Variants in DPP10 observed in about 807,000 individuals in gnomAD.
The protein encoded by DPP10 is dipeptidyl peptidase like 10, also known as inactive dipeptidyl peptidase 10.
Under a neutral mutation model 120.9 loss-of-function variants are expected in DPP10, and 33 were observed. That is an observed-to-expected ratio of 0.27 (90% CI 0.21 to 0.37). The LOEUF (loss-of-function observed/expected upper bound fraction) is 0.37. Among genes scored for constraint, DPP10 ranks in the 10% least tolerant of loss-of-function variants. The pLI is 1.00. For missense variants in DPP10, 816 were observed against 942.8 expected, an observed-to-expected ratio of 0.87 and a Z score of 1.76; for synonymous variants, 337 against 326.1, an observed-to-expected ratio of 1.03 and a Z score of -0.36.
intron 1 of DPP10, among the ~76,000 whole-genome samples, chr2:114,487,527 T>G (rs1303271118): frequency 6.6e-6 from 1 of 152,198 alleles, no homozygotes; most frequent in African/African-American, 2.4e-5. Flanking sequence ...GCAAATTAAT[T>G]TTCTGATTAT....
chr2:114,745,039 C>A (rs575993691), intron 1 of DPP10, among the ~76,000 whole-genome samples: 25 of 151,980 alleles, frequency 1.6e-4, no homozygotes, highest in Non-Finnish European at 3.1e-4. Flanking sequence ...GGATGACAGG[C>A]GTGAGCCACC....
At chr2:114,776,762 AGTT>A (rs1174181306) in intron 1 of DPP10, among the ~76,000 whole-genome samples, 8 of 152,168 alleles carry the variant, frequency 5.3e-5, no homozygotes, top group Non-Finnish European at 1.0e-4. Context: ...AATTAAATAA[AGTT>A]AGTGCAGATT....
At chr2:115,220,926 T>A (rs886392315) in intron 1 of DPP10, among the ~76,000 whole-genome samples, 1 of 135,694 alleles carries the variant, frequency 7.4e-6, no homozygotes, top group Admixed American at 8.1e-5. Flanking sequence ...TATATTCATA[T>A]ATAATATTTA....
intron 19 of DPP10, among the ~76,000 whole-genome samples, chr2:115,806,082 A>C (rs1331636195): frequency 2.0e-5 from 3 of 152,196 alleles, no homozygotes; most frequent in Non-Finnish European, 2.9e-5. Flanking sequence ...AAAAAATTCT[A>C]GGGATAAAGG....
chr2:114,638,333 G>A (rs1695452865), intron 1 of DPP10, among the ~76,000 whole-genome samples: 1 of 151,668 alleles, frequency 6.6e-6, no homozygotes, highest in Non-Finnish European at 1.5e-5. Flanking sequence ...AAAAGAAACT[G>A]TCAACAGAGT....
intron 7 of DPP10, among the ~76,000 whole-genome samples, chr2:115,727,419 T>C (rs6742927): frequency 6.6e-6 from 1 of 152,258 alleles, no homozygotes; most frequent in South Asian, 2.1e-4. Flanking sequence ...AGACCCCAAA[T>C]TGAAGCTCTT....
chr2:115,069,458 A>G (rs1473684939), intron 1 of DPP10, among the ~76,000 whole-genome samples: 1 of 152,016 alleles, frequency 6.6e-6, no homozygotes, highest in Non-Finnish European at 1.5e-5. Flanking sequence ...AAGTTTTTCC[A>G]TATATACAGT....
intron 1 of DPP10, among the ~76,000 whole-genome samples, chr2:115,286,553 G>C (rs1458915178): frequency 1.3e-5 from 1 of 75,374 alleles, no homozygotes; most frequent in African/African-American, 4.4e-5. Context: ...AATATATACA[G>C]AAGGCTGAGA....
chr2:114,595,284 AG>A (rs1199559772), intron 1 of DPP10, among the ~76,000 whole-genome samples: 1 of 152,082 alleles, frequency 6.6e-6, no homozygotes, highest in South Asian at 2.1e-4. Context: ...AACAAAAAAA[AG>A]ATGCATAAGG....
At chr2:115,135,776 A>T (rs925842788) in intron 1 of DPP10, among the ~76,000 whole-genome samples, 1 of 152,136 alleles carries the variant, frequency 6.6e-6, no homozygotes, top group Admixed American at 6.6e-5. Flanking sequence ...TCAATCTTAC[A>T]TGTTTTACAC....
chr2:115,112,442 G>A lies in DPP10; in HGVS notation c.61-196797G>A, dbSNP rs1020512012. Among the ~76,000 whole-genome samples the A allele has an allele frequency of 4.3e-4, 66 of 151,772 alleles. 1 individual carries two copies. Among genetic ancestry groups the A allele is most frequent in the African/African-American group, 1.5e-3 (64 of 41,420 alleles). Reference sequence around the variant, plus strand: ...ATTGTTATTTTAATTGACAAAATTTGTATATATTTATCATGTACAACAAGT... The same window carrying A: ...ATTGTTATTTTAATTGACAAAATTTATATATATTTATCATGTACAACAAGT... On this transcript the variant is annotated intron_variant, in intron 1 of 25. Transcript: ENST00000410059.
chr2:115,061,370 C>T (rs538842266), intron 1 of DPP10, among the ~76,000 whole-genome samples: 1 of 152,178 alleles, frequency 6.6e-6, no homozygotes, highest in African/African-American at 2.4e-5. Context: ...GCTTTTGCAG[C>T]TGACAGTTTC....
At chr2:115,018,061 G>T (rs1702793954) in intron 1 of DPP10, among the ~76,000 whole-genome samples, 1 of 151,280 alleles carries the variant, frequency 6.6e-6, no homozygotes, top group Non-Finnish European at 1.5e-5. Context: ...ATATGAACAG[G>T]CACTTCTCAA....
At chr2:114,922,885 T>C (rs1489166001) in intron 1 of DPP10, among the ~76,000 whole-genome samples, 1 of 152,224 alleles carries the variant, frequency 6.6e-6, no homozygotes, top group Admixed American at 6.5e-5. Context: ...GACATATGTT[T>C]CTATTTTTCT....
intron 5 of DPP10, among the ~76,000 whole-genome samples, chr2:115,679,916 T>A (rs1453086101): frequency 3.3e-5 from 5 of 152,066 alleles, no homozygotes; most frequent in African/African-American, 1.2e-4. Context: ...GAAGGAGTCC[T>A]AGAATTCTAT....
At chr2:115,013,557 A>C (rs142647110) in intron 1 of DPP10, among the ~76,000 whole-genome samples, 95 of 151,918 alleles carry the variant, frequency 6.3e-4, no homozygotes, top group African/African-American at 2.2e-3. Flanking sequence ...CTAAGAGTCA[A>C]ACACATCGGT....
chr2:115,117,418 T>C (rs1305481596), intron 1 of DPP10, among the ~76,000 whole-genome samples: 8 of 152,170 alleles, frequency 5.3e-5, no homozygotes, highest in Non-Finnish European at 8.8e-5. Context: ...ATAAACTGTA[T>C]AAAAATAACT....
chr2:115,024,918 A>T (rs1703351958), intron 1 of DPP10, among the ~76,000 whole-genome samples: 2 of 150,390 alleles, frequency 1.3e-5, no homozygotes. Context: ...ATCTTTAAAT[A>T]TATTTTATAA....
At chr2:114,835,798 C>G (rs1028307994) in intron 1 of DPP10, among the ~76,000 whole-genome samples, 8 of 151,988 alleles carry the variant, frequency 5.3e-5, no homozygotes, top group African/African-American at 1.9e-4. Context: ...AAAGTATGAC[C>G]CTTATTATTG....
Sources: gnomAD v4.1 joint callset for allele counts (sites outside exome capture counted in the v4.1 genomes callset) on GRCh38, gnomAD v4.1.1 for gene constraint, MANE v1.5 for transcripts, NCBI Gene and HGNC (gene_info 2026-07-23, HGNC 2026-07-21) for gene names.